Variants in KIF13A observed in about 807,000 individuals in gnomAD.
KIF13A encodes the protein kinesin-like protein KIF13A.
KIF13A carries 79 observed loss-of-function variants against 212.2 expected under a neutral mutation model. That is an observed-to-expected ratio of 0.37 (90% CI 0.31 to 0.45). The LOEUF (loss-of-function observed/expected upper bound fraction) is 0.45. Among genes scored for constraint, KIF13A ranks in the 20% least tolerant of loss-of-function variants. The pLI, the probability that KIF13A is intolerant of heterozygous loss-of-function variation, is 1.00. For missense variants in KIF13A, 1,901 were observed against 2,209.0 expected, an observed-to-expected ratio of 0.86 and a Z score of 2.79; for synonymous variants, 789 against 808.6, an observed-to-expected ratio of 0.98 and a Z score of 0.41.
intron 2 of KIF13A, among the ~76,000 whole-genome samples, chr6:17,985,621 T>C: frequency 1.3e-5 from 1 of 74,248 alleles, no homozygotes. Flanking sequence ...CCCGAAACAA[T>C]ATGCAGTTTG....
In KIF13A at chr6:17,764,500, G is replaced by T. The variant is rs6459569; in HGVS notation, c.5028C>A (p.Ala1676=). 1 of 1,613,810 alleles carries T rather than the reference G, an allele frequency of 6.2e-7. No homozygotes were observed. The highest frequency in any genetic ancestry group is 8.5e-7 in the Non-Finnish European group (1 of 1,179,852). ...VVPLKENSAL[A]KGSPSSQSIP... is the part of the protein sequence containing the mutation. ...TGCTCTGGGATGATGGGCTCCCTTTGGCTAAGGCACTGTTTTCCTTGAGTG... is the reference window on the plus strand; with the variant it reads ...TGCTCTGGGATGATGGGCTCCCTTTTGCTAAGGCACTGTTTTCCTTGAGTG... Residue 1676 remains alanine, a synonymous_variant, in exon 39 of 39, where the codon GCC becomes GCA. Transcript: ENST00000259711. This position sits in a 1 kb window ranked among gnomAD's most constrained non-coding sequence, Gnocchi z 5.1.
In KIF13A at chr6:17,839,462, A is replaced by G. The variant is rs1313380535; in HGVS notation, c.831-1879T>C. On this transcript the variant is annotated intron_variant, in intron 9 of 38. Coordinates refer to ENST00000259711, the MANE Select transcript of KIF13A (RefSeq NM_022113.6). The surrounding 1 kb of genome is among the most constrained non-coding windows in gnomAD (Gnocchi z 4.3). ...ACACACAGTGGAATATCATTTGGCC[A>G]TAAAAGGGAATAAGTTCAGATACAT... Among the ~76,000 whole-genome samples, 2 of 152,224 alleles carry G rather than the reference A, an allele frequency of 1.3e-5. No individual in the cohort carries two copies. Among genetic ancestry groups the G allele is most frequent in the African/African-American group, 4.8e-5 (2 of 41,462 alleles).
At chr6:17,775,631 C>T (rs1759895657) in intron 34 of KIF13A, among the ~76,000 whole-genome samples, 1 of 152,098 alleles carries the variant, frequency 6.6e-6, no homozygotes, top group East Asian at 1.9e-4. Flanking sequence ...TATAGTCCTT[C>T]TTTTTGGTGA....
chr6:17,917,521 G>T (rs1413364809), intron 2 of KIF13A, among the ~76,000 whole-genome samples: 1 of 152,078 alleles, frequency 6.6e-6, no homozygotes, highest in African/African-American at 2.4e-5. Flanking sequence ...GATCACAGGC[G>T]TGAGCCACTG....
At position 17,837,745 on chromosome 6, in the gene KIF13A, G is replaced by C. The variant is rs1766100815; in HGVS notation, c.831-162C>G. On this transcript the variant is annotated intron_variant, in intron 9 of 38. Coordinates refer to ENST00000259711, the MANE Select transcript of KIF13A (RefSeq NM_022113.6). This position sits in a 1 kb window ranked among gnomAD's most constrained non-coding sequence, Gnocchi z 5.4. ...GGTGGATGAATCACTTGAGGCCAGG[G>C]GTTTGAGACCACCCTGGCCAACATG... Among the ~76,000 whole-genome samples the C allele has an allele frequency of 6.6e-6, 1 of 151,816 alleles. No homozygotes were observed. Among genetic ancestry groups the C allele is most frequent in the South Asian group, 2.1e-4 (1 of 4,802 alleles).
intron 4 of KIF13A, among the ~76,000 whole-genome samples, chr6:17,861,714 T>A (rs1414359291): frequency 6.6e-6 from 1 of 152,206 alleles, no homozygotes; most frequent in Non-Finnish European, 1.5e-5. Flanking sequence ...AGTTGACTAT[T>A]TAAGTCCTTG....
chr6:17,855,995 T>A lies in KIF13A; in HGVS notation c.313+35A>T. The A allele has an allele frequency of 7.2e-7, 1 of 1,396,898 alleles. No individual in the cohort carries two copies. The allele number at this position is 1,396,898 out of a possible 1,614,324, so 86.5% of individuals were successfully genotyped here. A position where few individuals can be genotyped will look rare whatever the true frequency, so the allele number is the denominator to read the frequency against. On this transcript the variant is annotated intron_variant, in intron 5 of 38. Coordinates refer to ENST00000259711, the MANE Select transcript of KIF13A (RefSeq NM_022113.6). This position sits in a 1 kb window ranked among gnomAD's most constrained non-coding sequence, Gnocchi z 4.1. The stretch of plus-strand genomic sequence containing the variant: ...CCAAGTCCTGGGATTATAGGCATGA[T>A]CCCCCACATCTGGTCTATAAAAGCA...
rs1781186654 is a variant in KIF13A, at chr6:17,982,605, A to G, written c.146+4449T>C. On this transcript the variant is annotated intron_variant, in intron 2 of 38. Transcript: ENST00000259711. This position sits in a 1 kb window ranked among gnomAD's most constrained non-coding sequence, Gnocchi z 5.1. ...TTTCATGCTCTTCTACCGAGAGCCCATATTTAGCCCAACATTTTATTTTTA... is the reference window on the plus strand; with the variant it reads ...TTTCATGCTCTTCTACCGAGAGCCCGTATTTAGCCCAACATTTTATTTTTA... 1.3e-5 allele frequency among the ~76,000 whole-genome samples: 2 copies of G among 152,352 alleles called. No individual in the cohort carries two copies. Among genetic ancestry groups the G allele is most frequent in the South Asian group, 2.1e-4 (1 of 4,832 alleles).
At chr6:17,831,985 T>C (rs1020542234) in intron 12 of KIF13A, among the ~76,000 whole-genome samples, 1 of 152,004 alleles carries the variant, frequency 6.6e-6, no homozygotes, top group South Asian at 2.1e-4. Context: ...GTTAAGTCAA[T>C]ATGGTACATA....
At chr6:17,822,356 C>T (rs1304319411) in intron 16 of KIF13A, among the ~76,000 whole-genome samples, 1 of 152,002 alleles carries the variant, frequency 6.6e-6, no homozygotes, top group African/African-American at 2.4e-5. Context: ...AATATGACTT[C>T]AATATGGACA....
chr6:17,799,352 T>C lies in KIF13A; in HGVS notation c.2704A>G (p.Thr902Ala), dbSNP rs756486869. ...GGGTCCACCACCGGGGCAGCCACCG[T>C]AGACTCACACTGGTCCCAGAATGTG... Reference protein sequence around the residue: ...QYTFWDQCESTVAAPVVDPEV... With the variant: ...QYTFWDQCESAVAAPVVDPEV... Residue 902 changes from threonine to alanine, a missense_variant, in exon 22 of 39, where the codon ACG (threonine) becomes GCG (alanine). This residue lies in a region of KIF13A where 534 missense variants were observed against 536.9 expected (regional missense o/e 0.99). Transcript: ENST00000259711. The surrounding 1 kb of genome is among the most constrained non-coding windows in gnomAD (Gnocchi z 4.4). 4.3e-6 allele frequency: 7 copies of C among 1,612,834 alleles called. No individual in the cohort carries two copies. Among genetic ancestry groups the C allele is most frequent in the East Asian group, 2.2e-5 (1 of 44,882 alleles).
chr6:17,903,229 G>C (rs1220287117), intron 2 of KIF13A, among the ~76,000 whole-genome samples: 2 of 152,200 alleles, frequency 1.3e-5, no homozygotes, highest in Non-Finnish European at 2.9e-5. Context: ...GTACTTTTCA[G>C]AGACTTTGAC....
At chr6:17,836,130 A>G (rs1188331078) in intron 11 of KIF13A, among the ~76,000 whole-genome samples, 1 of 152,266 alleles carries the variant, frequency 6.6e-6, no homozygotes, top group Non-Finnish European at 1.5e-5. Flanking sequence ...GTTTCAGTAA[A>G]GCCAAAGAAA....
intron 2 of KIF13A, chr6:17,950,459 G>C: frequency 1.0e-6 from 1 of 982,976 alleles, no homozygotes; most frequent in Non-Finnish European, 1.2e-6. Flanking sequence ...CTGTAATTAT[G>C]AATTTCACTG....
chr6:17,764,642 T>A lies in KIF13A; in HGVS notation c.4886A>T (p.Asp1629Val). Residue 1629 changes from aspartate to valine, a missense_variant, in exon 39 of 39, where the codon GAT (aspartate) becomes GTT (valine). Physicochemically the swap from Asp to Val is radical, Grantham distance 152. This residue lies in a region of KIF13A where 687 missense variants were observed against 759.1 expected (regional missense o/e 0.90). Coordinates refer to ENST00000259711, the MANE Select transcript of KIF13A (RefSeq NM_022113.6). This position sits in a 1 kb window ranked among gnomAD's most constrained non-coding sequence, Gnocchi z 5.1. ...SSDQLAIQTKDADSTEHSTPS... is the reference protein window; with the variant it reads ...SSDQLAIQTKVADSTEHSTPS... ...TGTGGAGTGCTCGGTGGAGTCTGCA[T>A]CCTTCGTCTGAATGGCCAGCTGGTC... The A allele has an allele frequency of 6.2e-7, 1 of 1,613,266 alleles. No individual in the cohort carries two copies. The highest frequency in any genetic ancestry group is 1.1e-5 in the South Asian group (1 of 91,054).
At chr6:17,791,152 T>C (rs1486649787) in intron 25 of KIF13A, among the ~76,000 whole-genome samples, 1 of 152,008 alleles carries the variant, frequency 6.6e-6, no homozygotes, top group Non-Finnish European at 1.5e-5. Context: ...ATCAGTTATA[T>C]GACTAACTTA....
At chr6:17,957,807 T>C (rs556112307) in intron 2 of KIF13A, among the ~76,000 whole-genome samples, 31 of 152,146 alleles carry the variant, frequency 2.0e-4, no homozygotes, top group African/African-American at 7.5e-4. Flanking sequence ...ACAATTTGAG[T>C]TTTCTGCAAA....
At chr6:17,815,321 C>A (rs368235858) in intron 17 of KIF13A, among the ~76,000 whole-genome samples, 3 of 152,032 alleles carry the variant, frequency 2.0e-5, no homozygotes, top group Non-Finnish European at 4.4e-5. Context: ...TGGATGGCTG[C>A]GGGCGGGCCT....
intron 2 of KIF13A, among the ~76,000 whole-genome samples, chr6:17,942,872 G>A (rs1239395212): frequency 3.3e-5 from 5 of 152,070 alleles, no homozygotes; most frequent in African/African-American, 4.8e-5. Flanking sequence ...CCAGCTACTC[G>A]GGAGGCTGAG....
Sources: allele counts gnomAD v4.1 joint callset (sites outside exome capture counted in the v4.1 genomes callset), GRCh38; gene constraint gnomAD v4.1.1; regional missense constraint gnomAD v4.1.1; non-coding constraint Gnocchi (gnomAD v3.1); transcripts MANE v1.5; gene names NCBI Gene and HGNC (gene_info 2026-07-23, HGNC 2026-07-21).